Variants in NTNG2 observed in about 807,000 individuals in gnomAD.
The protein encoded by NTNG2 is netrin G2.
NTNG2 carries 15 observed loss-of-function variants against 47.6 expected under a neutral mutation model. That is an observed-to-expected ratio of 0.32 (90% CI 0.21 to 0.49). NTNG2 has a LOEUF of 0.49. Among genes scored for constraint, NTNG2 ranks in the 20% least tolerant of loss-of-function variants. The pLI is 0.99. For missense variants in NTNG2, 578 were observed against 764.6 expected (o/e 0.76, Z 2.88); for synonymous variants, 307 against 324.6 (o/e 0.95, Z 0.58).
intron 4 of NTNG2, 54 bp downstream of exon 4, chr9:132,227,075 C>T (rs117829780): frequency 0.019 from 29,426 of 1,513,342 alleles, 334 homozygotes; most frequent in Non-Finnish European, 0.023. Context: ...CTTCCCTGCC[C>T]GTCAATCCCA....
At chr9:132,219,766 T>C (rs1353348554) in intron 3 of NTNG2, among the ~76,000 whole-genome samples, 1 of 152,236 alleles carries the variant, frequency 6.6e-6, no homozygotes, top group East Asian at 1.9e-4. Context: ...TTGATGGATA[T>C]TGGGTTGTTC....
At position 132,189,068 on chromosome 9, in the gene NTNG2, CTTTTTTTTTTTTTT is replaced by C. The variant is rs749756559; in HGVS notation, c.214-8884_214-8871del. The stretch of plus-strand genomic sequence containing the variant: ...TATGTGAAAAAGGCTTTAAGCCTTT[CTTTTTTTTTTTTTT>C]TTTTTTTTTTTTTAGACAGGGTCTC... On this transcript the variant is annotated intron_variant, in intron 2 of 7. Transcript: ENST00000393229. Among the ~76,000 whole-genome samples the C allele has an allele frequency of 9.3e-3, 869 of 93,322 alleles. 43 individuals carry two copies. Among genetic ancestry groups the C allele is most frequent in the African/African-American group, 0.037 (818 of 22,030 alleles). The allele number at this position is 93,322 out of a possible 152,430, so 61.2% of individuals were successfully genotyped here. A position where few individuals can be genotyped will look rare whatever the true frequency, so the allele number is the denominator to read the frequency against.
At chr9:132,190,232 CAAAAAAAAAAAAA>C (rs58974463) in intron 2 of NTNG2, among the ~76,000 whole-genome samples, 17 of 69,924 alleles carry the variant, frequency 2.4e-4, no homozygotes, top group African/African-American at 6.2e-4. Context: ...GACTCCATCT[CAAAAAAAAAAAAA>C]AAAAAAAAAA....
rs1291779338 is a variant in NTNG2, at chr9:132,226,352, G to A, written c.858-497G>A. Among the ~76,000 whole-genome samples the A allele has an allele frequency of 6.6e-6, 1 of 152,210 alleles. No individual in the cohort carries two copies. The highest frequency in any genetic ancestry group is 6.5e-5 in the Admixed American group (1 of 15,284). On this transcript the variant is annotated intron_variant, in intron 3 of 7. Coordinates refer to ENST00000393229, the MANE Select transcript of NTNG2 (RefSeq NM_032536.4). This position sits in a 1 kb window ranked among gnomAD's most constrained non-coding sequence, Gnocchi z 4.8. Reference sequence around the variant, plus strand: ...GGGGTTCTATCTGTTGCCCTCAAGGGCGTGGCTGTGGGCCACAACCTGACA... The same window carrying A: ...GGGGTTCTATCTGTTGCCCTCAAGGACGTGGCTGTGGGCCACAACCTGACA...
intron 3 of NTNG2, among the ~76,000 whole-genome samples, chr9:132,214,418 G>T (rs950117003): frequency 6.6e-6 from 1 of 152,234 alleles, no homozygotes; most frequent in Non-Finnish European, 1.5e-5. Context: ...TCATGTGGCT[G>T]TCAGGCCCCC....
chr9:132,164,145 G>T (rs1835318197), intron 1 of NTNG2, among the ~76,000 whole-genome samples: 1 of 152,222 alleles, frequency 6.6e-6, no homozygotes, highest in Non-Finnish European at 1.5e-5. Context: ...CCCCTGCGAT[G>T]CCAGCAACGC....
intron 6 of NTNG2, among the ~76,000 whole-genome samples, chr9:132,240,156 G>A (rs1439706132): frequency 1.3e-5 from 2 of 152,246 alleles, no homozygotes; most frequent in African/African-American, 4.8e-5. Context: ...AGGAGGCTCT[G>A]GCTGCCCAGA....
At position 132,218,580 on chromosome 9, in the gene NTNG2, TCCA is replaced by T. The variant is rs2130880576; in HGVS notation, c.858-8266_858-8264del. ...GGCATGACCTCGGCCTACTGCAACCTCCACCTGTTGGGTTCAAGCGATCCTCCT... is the reference window on the plus strand; with the variant it reads ...GGCATGACCTCGGCCTACTGCAACCTCCTGTTGGGTTCAAGCGATCCTCCT... On this transcript the variant is annotated intron_variant, in intron 3 of 7. Transcript: ENST00000393229. The surrounding 1 kb of genome is among the most constrained non-coding windows in gnomAD (Gnocchi z 5.4). Among the ~76,000 whole-genome samples the T allele has an allele frequency of 6.6e-6, 1 of 152,284 alleles. No individual in the cohort carries two copies. Among genetic ancestry groups the T allele is most frequent in the South Asian group, 2.1e-4 (1 of 4,824 alleles).
intron 1 of NTNG2, among the ~76,000 whole-genome samples, chr9:132,164,288 G>T (rs372075866): frequency 1.6e-3 from 237 of 152,244 alleles, no homozygotes; most frequent in African/African-American, 5.3e-3. Context: ...ATAGATTTGC[G>T]AGTTGCGCCG....
chr9:132,165,331 ATAAT>A (rs1835437251), intron 1 of NTNG2, among the ~76,000 whole-genome samples: 1 of 152,046 alleles, frequency 6.6e-6, no homozygotes. Context: ...TTGATTTTAA[ATAAT>A]TAACAGAAGC....
At chr9:132,193,931 C>T (rs919015876) in intron 2 of NTNG2, among the ~76,000 whole-genome samples, 2 of 152,164 alleles carry the variant, frequency 1.3e-5, no homozygotes, top group African/African-American at 4.8e-5. Context: ...GGCCTTTTCT[C>T]TGTGCACATG....
intron 2 of NTNG2, among the ~76,000 whole-genome samples, chr9:132,193,178 C>T (rs1342306663): frequency 2.0e-5 from 3 of 152,174 alleles, no homozygotes; most frequent in African/African-American, 4.8e-5. Context: ...GTGGGTGGCT[C>T]AGCAGTTGGG....
At position 132,198,140 on chromosome 9, in the gene NTNG2, A is replaced by G. The variant is rs771958614; in HGVS notation, c.388A>G (p.Thr130Ala). ...CAACATCACCCTTTCGTGGAACAAGACCGTGGAGCTGACCGACGACGTGGT... is the reference window on the plus strand; with the variant it reads ...CAACATCACCCTTTCGTGGAACAAGGCCGTGGAGCTGACCGACGACGTGGT... ...EANITLSWNK[T>A]VELTDDVVMT... Residue 130 changes from threonine to alanine, a missense_variant, in exon 3 of 8, where the codon ACC becomes GCC. Transcript: ENST00000393229. 2 of 1,613,792 alleles carry G rather than the reference A, an allele frequency of 1.2e-6. No homozygotes were observed. The highest frequency in any genetic ancestry group is 2.2e-5 in the South Asian group (2 of 91,082).
At chr9:132,229,018 G>T (rs1455791401) in intron 4 of NTNG2, among the ~76,000 whole-genome samples, 1 of 152,066 alleles carries the variant, frequency 6.6e-6, no homozygotes, top group Admixed American at 6.5e-5. Flanking sequence ...GGATAGACAG[G>T]CCTGTAGGGG....
At chr9:132,190,594 T>C (rs552492993) in intron 2 of NTNG2, among the ~76,000 whole-genome samples, 2 of 152,306 alleles carry the variant, frequency 1.3e-5, no homozygotes, top group African/African-American at 4.8e-5. Context: ...TTACCTCCAT[T>C]CTTGCTAACA....
At chr9:132,187,304 C>T (rs531311589) in intron 2 of NTNG2, among the ~76,000 whole-genome samples, 10 of 152,338 alleles carry the variant, frequency 6.6e-5, no homozygotes, top group African/African-American at 2.4e-4. Context: ...ATTGCTCCAA[C>T]CAGAAAACAA....
In NTNG2 at chr9:132,215,346, C is replaced by T. The variant is rs192444856; in HGVS notation, c.858-11503C>T. Among the ~76,000 whole-genome samples, 9 of 151,664 alleles carry T rather than the reference C, an allele frequency of 5.9e-5. No individual in the cohort carries two copies. The highest frequency in any genetic ancestry group is 2.0e-4 in the East Asian group (1 of 5,080). Reference sequence around the variant, plus strand: ...CTGTAATCCCAGCATTTTGGGAGGCCGAGGTGGGCGGATCATTTGAGGTCA... The same window carrying T: ...CTGTAATCCCAGCATTTTGGGAGGCTGAGGTGGGCGGATCATTTGAGGTCA... On this transcript the variant is annotated intron_variant, in intron 3 of 7. Transcript: ENST00000393229. The surrounding 1 kb of genome is among the most constrained non-coding windows in gnomAD (Gnocchi z 4.2).
rs970609907 is a variant in NTNG2 at position 132,208,033 on chromosome 9, A to C, written c.857+9424A>C. 6.6e-6 allele frequency among the ~76,000 whole-genome samples: 1 copy of C among 152,086 alleles called. No individual in the cohort carries two copies. The highest frequency in any genetic ancestry group is 1.5e-5 in the Non-Finnish European group (1 of 68,022). On this transcript the variant is annotated intron_variant, in intron 3 of 7. Transcript: ENST00000393229. This position sits in a 1 kb window ranked among gnomAD's most constrained non-coding sequence, Gnocchi z 4.0. Reference sequence around the variant, plus strand: ...GTGGGAGGATTGCTTGAGCCCAGGAAGTCAAGCCTGCAGTGAGTTATGACT... The same window carrying C: ...GTGGGAGGATTGCTTGAGCCCAGGACGTCAAGCCTGCAGTGAGTTATGACT...
intron 2 of NTNG2, among the ~76,000 whole-genome samples, chr9:132,176,164 T>A (rs559217966): frequency 6.6e-6 from 1 of 150,994 alleles, no homozygotes; most frequent in African/African-American, 2.4e-5. Context: ...GCCTGGGCAA[T>A]GTAGTGAGAC....
Sources: gnomAD v4.1 joint callset for allele counts (sites outside exome capture counted in the v4.1 genomes callset) on GRCh38, gnomAD v4.1.1 for gene constraint, Gnocchi (gnomAD v3.1) non-coding constraint, MANE v1.5 for transcripts, NCBI Gene and HGNC (gene_info 2026-07-23, HGNC 2026-07-21) for gene names.